The following PLAC8L1 variants were observed in gnomAD, a reference collection of about 807,000 sequenced individuals.
PLAC8L1 encodes PLAC8 like 1.
In PLAC8L1, 13 loss-of-function variants were observed where a neutral mutation model predicts 16.3. The observed-to-expected ratio is 0.80, with a 90% CI of 0.52 to 1.27. The LOEUF (loss-of-function observed/expected upper bound fraction) is 1.27. PLAC8L1 is among the 50% of genes most tolerant of loss of function. The pLI is 0.00. For missense variants in PLAC8L1, 184 were observed against 220.2 expected, an observed-to-expected ratio of 0.84 and a Z score of 1.04; for synonymous variants, 78 against 79.3, an observed-to-expected ratio of 0.98 and a Z score of 0.09.
rs75532554 is a variant in PLAC8L1 at position 146,102,549 on chromosome 5, T to C, written c.119+1644A>G. 4.6e-3 allele frequency among the ~76,000 whole-genome samples: 704 copies of C among 152,304 alleles called. 7 individuals are homozygous for C. The highest frequency in any genetic ancestry group is 0.016 in the African/African-American group (672 of 41,574). On this transcript the variant is annotated intron_variant, in intron 1 of 3. Transcript: ENST00000311450. ...GACTCAAGTAGCTCCTGTAGCTTCCTAGACAGCTTTTCTACATATTACGCC... is the reference window on the plus strand; with the variant it reads ...GACTCAAGTAGCTCCTGTAGCTTCCCAGACAGCTTTTCTACATATTACGCC...
At position 146,092,894 on chromosome 5, in the gene PLAC8L1, G is replaced by A. The variant is rs139409002; in HGVS notation, c.256+5262C>T. Among the ~76,000 whole-genome samples, 331 of 152,020 alleles carry A rather than the reference G, an allele frequency of 2.2e-3. 3 individuals carry two copies. Among genetic ancestry groups the A allele is most frequent in the African/African-American group, 7.8e-3 (322 of 41,490 alleles). On this transcript the variant is annotated intron_variant, in intron 2 of 3. Transcript: ENST00000311450. ...TATGTTGATATGGTCTGATCACCTA[G>A]GTATGTTTTTTTTTCCTTTTATACT...
chr5:146,097,398 C>T (rs1480925196), intron 2 of PLAC8L1, among the ~76,000 whole-genome samples: 2 of 152,060 alleles, frequency 1.3e-5, no homozygotes, highest in African/African-American at 4.8e-5. Flanking sequence ...ACATATTCTT[C>T]CAAGACAATT....
intron 1 of PLAC8L1, chr5:146,103,610 T>A (rs1580984187): frequency 1.0e-6 from 1 of 960,194 alleles, no homozygotes; most frequent in East Asian, 1.1e-4. Context: ...ATCCTAACCC[T>A]CAGAAGGTGA....
At chr5:146,103,221 G>A (rs577172184) in intron 1 of PLAC8L1, among the ~76,000 whole-genome samples, 1 of 152,246 alleles carries the variant, frequency 6.6e-6, no homozygotes, top group Admixed American at 6.5e-5. Flanking sequence ...GTGCAGTAGT[G>A]TGATCTTGGT....
chr5:146,104,543 G>A lies in PLAC8L1; in HGVS notation c.-232C>T. The A allele has an allele frequency of 2.5e-6, 1 of 399,874 alleles. No homozygotes were observed. Among genetic ancestry groups the A allele is most frequent in the South Asian group, 2.6e-5 (1 of 38,060 alleles). 24.8% of individuals were successfully genotyped at this position (399,874 alleles called of 1,614,324 possible). A position where few individuals can be genotyped will look rare whatever the true frequency, so the allele number is the denominator to read the frequency against. On this transcript the variant is annotated 5_prime_UTR_variant, in exon 1 of 4. Coordinates refer to ENST00000311450, the MANE Select transcript of PLAC8L1 (RefSeq NM_001029869.3). ...TACTAATCTGTAGGGAGATATTGCT[G>A]GAGTATAGAGTAAATAGAAGAAAAA...
At chr5:146,089,697 A>T (rs1009466346) in intron 2 of PLAC8L1, among the ~76,000 whole-genome samples, 2 of 149,606 alleles carry the variant, frequency 1.3e-5, no homozygotes, top group African/African-American at 4.9e-5. Context: ...ACCACTTTAC[A>T]TTTATTCCTG....
Position 146,084,406 on chromosome 5 carries a change from A to T in PLAC8L1, c.*26T>A. 1 of 1,611,144 alleles carries T rather than the reference A, an allele frequency of 6.2e-7. No homozygotes were observed. Reference sequence around the variant, plus strand: ...GAGGTTTGAGAGGAGGGTGTTGGGGAGTAAGGAGGAGGAGTTATCTTGCTG... The same window carrying T: ...GAGGTTTGAGAGGAGGGTGTTGGGGTGTAAGGAGGAGGAGTTATCTTGCTG... On this transcript the variant is annotated 3_prime_UTR_variant, in exon 4 of 4. Coordinates refer to ENST00000311450, the MANE Select transcript of PLAC8L1 (RefSeq NM_001029869.3).
intron 2 of PLAC8L1, among the ~76,000 whole-genome samples, chr5:146,088,721 A>T (rs1365558529): frequency 6.6e-6 from 1 of 152,148 alleles, no homozygotes; most frequent in Non-Finnish European, 1.5e-5. Context: ...TCAGTCTCAA[A>T]TAAGACTGGG....
At chr5:146,094,430 T>C (rs1421769277) in intron 2 of PLAC8L1, among the ~76,000 whole-genome samples, 1 of 152,222 alleles carries the variant, frequency 6.6e-6, no homozygotes, top group African/African-American at 2.4e-5. Flanking sequence ...CTCTGACCTA[T>C]TCACTAATAT....
intron 2 of PLAC8L1, among the ~76,000 whole-genome samples, chr5:146,094,357 G>A (rs1208263857): frequency 6.6e-6 from 1 of 152,168 alleles, no homozygotes; most frequent in African/African-American, 2.4e-5. Context: ...TGGGATTACA[G>A]GTGTGAAGCC....
intron 2 of PLAC8L1, among the ~76,000 whole-genome samples, chr5:146,092,339 T>A (rs1763633149): frequency 6.6e-6 from 1 of 152,126 alleles, no homozygotes; most frequent in African/African-American, 2.4e-5. Flanking sequence ...AAATAGCACA[T>A]ACTATTTGAC....
At position 146,104,650 on chromosome 5, in the gene PLAC8L1, G is replaced by GA. The variant is rs1763882980; in HGVS notation, c.-340dup. 1 of 202,410 alleles carries GA rather than the reference G, an allele frequency of 4.9e-6. No individual in the cohort carries two copies. The highest frequency in any genetic ancestry group is 6.1e-5 in the Admixed American group (1 of 16,282). 12.5% of individuals were successfully genotyped at this position (202,410 alleles called of 1,614,324 possible). A position where few individuals can be genotyped will look rare whatever the true frequency, so the allele number is the denominator to read the frequency against. ...CTAAGTGCCACTTGACCGTTCCTTGGAAGATTCAGAAGGCTGAAAATTTCT... is the reference window on the plus strand; with the variant it reads ...CTAAGTGCCACTTGACCGTTCCTTGGAAAGATTCAGAAGGCTGAAAATTTCT... On this transcript the variant is annotated 5_prime_UTR_variant, in exon 1 of 4. The change abolishes the stop of an existing upstream ORF in the 5' untranslated region. Transcript: ENST00000311450.
chr5:146,093,567 G>A (rs1330555170), intron 2 of PLAC8L1, among the ~76,000 whole-genome samples: 1 of 152,148 alleles, frequency 6.6e-6, no homozygotes, highest in Non-Finnish European at 1.5e-5. Flanking sequence ...AATTAAATTT[G>A]ACAAAGAAGC....
intron 1 of PLAC8L1, chr5:146,099,575 C>T (rs1440370653): frequency 6.7e-6 from 1 of 149,262 alleles, no homozygotes; most frequent in Non-Finnish European, 1.5e-5. Context: ...GGGAGAATCG[C>T]TTGAACTCAG....
Position 146,085,574 on chromosome 5 carries a change from T to C in PLAC8L1, c.280A>G (p.Met94Val). 10 of 1,614,014 alleles carry C rather than the reference T, an allele frequency of 6.2e-6. No individual in the cohort carries two copies. Among genetic ancestry groups the C allele is most frequent in the Non-Finnish European group, 8.5e-6 (10 of 1,179,970 alleles). ...RICFCGLFCP[M>V]CLECDIARHY... ...CTGGCGATGTCACACTCAAGACACA[T>C]AGGACAGAATAGACCACAGAAACCT... Residue 94 changes from methionine to valine, a missense_variant, in exon 3 of 4, where the codon ATG (methionine) becomes GTG (valine). Physicochemically the swap from Met to Val is conservative, Grantham distance 21. Transcript: ENST00000311450.
intron 1 of PLAC8L1, among the ~76,000 whole-genome samples, chr5:146,099,658 CAAAAAAAA>C (rs10581890): frequency 2.3e-5 from 2 of 88,754 alleles, no homozygotes; most frequent in Non-Finnish European, 4.3e-5. Flanking sequence ...GACTCCGTCT[CAAAAAAAA>C]AAAAAAAAAA....
intron 1 of PLAC8L1, among the ~76,000 whole-genome samples, chr5:146,103,252 AG>A (rs2150039314): frequency 6.6e-6 from 1 of 152,222 alleles, no homozygotes; most frequent in South Asian, 2.1e-4. Flanking sequence ...CTCTGCCTCC[AG>A]GGTTCAACCA....
At chr5:146,088,386 A>G in intron 2 of PLAC8L1, among the ~76,000 whole-genome samples, 1 of 152,224 alleles carries the variant, frequency 6.6e-6, no homozygotes, top group Non-Finnish European at 1.5e-5. Context: ...GAAGGCTCAC[A>G]TACCATGACA....
intron 2 of PLAC8L1, among the ~76,000 whole-genome samples, chr5:146,087,956 C>G (rs1763551388): frequency 6.6e-6 from 1 of 152,168 alleles, no homozygotes; most frequent in Non-Finnish European, 1.5e-5. Flanking sequence ...AACTTACTCA[C>G]TATACAGTAC....
Sources: gnomAD v4.1 joint callset for allele counts (sites outside exome capture counted in the v4.1 genomes callset) on GRCh38, gnomAD v4.1.1 for gene constraint, MANE v1.5 for transcripts, NCBI Gene and HGNC (gene_info 2026-07-23, HGNC 2026-07-21) for gene names.